PALLD: variants seen among roughly 807,000 people sequenced by gnomAD.
PALLD encodes the protein palladin, cytoskeletal associated protein.
In PALLD, 61 loss-of-function variants were observed where a neutral mutation model predicts 123.5. The ratio of observed to expected loss-of-function variants is 0.49; its 90% CI spans 0.40 to 0.61. The LOEUF is 0.61. Ranked by LOEUF, PALLD falls within the 20% of genes least tolerant of loss-of-function variation. The probability of loss-of-function intolerance (pLI) is 0.00; values close to 1 mark genes in which losing one functional copy is unlikely to be tolerated. For missense variants in PALLD, 1,273 were observed against 1,377.0 expected (o/e 0.92, Z 1.20); for synonymous variants, 465 against 496.4 (o/e 0.94, Z 0.84).
Position 168,685,519 on chromosome 4 carries a change from A to C in PALLD, c.1295A>C (p.Asp432Ala), listed in dbSNP as rs765965174. Residue 432 changes from aspartate (D) to alanine (A), a missense_variant, in exon 6 of 22, where the codon GAT becomes GCT. Asp to Ala is a moderately radical substitution (Grantham distance 126). This residue lies in a region of PALLD where 944 missense variants were observed against 954.5 expected (regional missense o/e 0.99). Coordinates refer to ENST00000505667, the MANE Select transcript of PALLD (RefSeq NM_001166108.2). Reference protein sequence around the residue: ...HSPTSYLCRPDGTTTAYFPPV... With the variant: ...HSPTSYLCRPAGTTTAYFPPV... ...CCAACTTCATATCTCTGCCGACCTG[A>C]TGGAACCACTACTGCCTACTTTCCT... The C allele has an allele frequency of 1.9e-6, 3 of 1,612,842 alleles. No individual in the cohort carries two copies. The highest frequency in any genetic ancestry group is 2.7e-5 in the African/African-American group (2 of 75,004).
chr4:168,709,929 A>G (rs1026298765), intron 9 of PALLD, among the ~76,000 whole-genome samples: 4 of 152,130 alleles, frequency 2.6e-5, no homozygotes. Context: ...TCACATTGGA[A>G]AGCCACCTCT....
chr4:168,876,805 C>T (rs1056134709), intron 10 of PALLD, among the ~76,000 whole-genome samples: 1 of 152,126 alleles, frequency 6.6e-6, no homozygotes, highest in Admixed American at 6.5e-5. Context: ...GTTACAGTGC[C>T]GCCTTCTGTT....
intron 2 of PALLD, among the ~76,000 whole-genome samples, chr4:168,629,454 G>A (rs1371249701): frequency 6.6e-6 from 1 of 152,192 alleles, no homozygotes; most frequent in Non-Finnish European, 1.5e-5. Context: ...GGGAAGAGTG[G>A]TAGAAAGGAG....
chr4:168,697,302 A>G (rs1783223048), intron 8 of PALLD, among the ~76,000 whole-genome samples: 1 of 152,252 alleles, frequency 6.6e-6, no homozygotes, highest in African/African-American at 2.4e-5. Context: ...CACCACAGCA[A>G]GAGAATTAAT....
At chr4:168,553,367 A>G (rs1056502039) in intron 2 of PALLD, among the ~76,000 whole-genome samples, 1 of 152,222 alleles carries the variant, frequency 6.6e-6, no homozygotes, top group African/African-American at 2.4e-5. Flanking sequence ...AACAGAGTCT[A>G]AGTCCAAGAT....
In PALLD at chr4:168,925,072, G is replaced by A. The variant is rs781065277; in HGVS notation, c.3352G>A (p.Val1118Ile). 7.0e-5 allele frequency: 113 copies of A among 1,613,886 alleles called. No homozygotes were observed. The highest frequency in any genetic ancestry group is 9.3e-5 in the Non-Finnish European group (110 of 1,179,932). ...TGTGTCCTGTACTGCCAGGCTGGAC[G>A]TTTACAGTGAGTGCCACTTCATCTC... ...GIVSCTARLD[V>I]YISRH The change falls in exon 20 of 22, where the codon GTT becomes ATT. Residue 1118 changes from valine (V) to isoleucine (I), a missense_variant. Val to Ile is a conservative substitution (Grantham distance 29). This residue lies in a region of PALLD where 329 missense variants were observed against 422.5 expected (regional missense o/e 0.78). Coordinates refer to ENST00000505667, the MANE Select transcript of PALLD (RefSeq NM_001166108.2).
intron 10 of PALLD, among the ~76,000 whole-genome samples, chr4:168,822,452 G>A (rs1742862149): frequency 6.6e-6 from 1 of 152,158 alleles, no homozygotes. Flanking sequence ...GTGTAAAGGA[G>A]AGACTGGGTG....
At chr4:168,587,035 A>G (rs140876703) in intron 2 of PALLD, among the ~76,000 whole-genome samples, 154 of 152,300 alleles carry the variant, frequency 1.0e-3, no homozygotes, top group African/African-American at 3.4e-3. Flanking sequence ...GGTTGTCACC[A>G]CTGGGAGAGG....
intron 10 of PALLD, among the ~76,000 whole-genome samples, chr4:168,807,023 G>A (rs373338769): frequency 2.0e-5 from 3 of 152,104 alleles, no homozygotes; most frequent in South Asian, 4.1e-4. Flanking sequence ...CCCGAGATGC[G>A]GACTCCACGG....
chr4:168,622,018 C>T (rs1774811272), intron 2 of PALLD, among the ~76,000 whole-genome samples: 1 of 152,156 alleles, frequency 6.6e-6, no homozygotes, highest in African/African-American at 2.4e-5. Context: ...ACAGATGGTG[C>T]TGCTAACAAG....
intron 2 of PALLD, among the ~76,000 whole-genome samples, chr4:168,589,063 C>T (rs146477042): frequency 6.4e-4 from 97 of 152,314 alleles, no homozygotes; most frequent in African/African-American, 2.2e-3. Context: ...TAAAGTCAAG[C>T]GGGCTATTGT....
chr4:168,526,106 T>C (rs1764018645), intron 2 of PALLD, among the ~76,000 whole-genome samples: 1 of 152,238 alleles, frequency 6.6e-6, no homozygotes, highest in African/African-American at 2.4e-5. Flanking sequence ...GAGCAGCCCC[T>C]GCCTTCCAGC....
chr4:168,689,780 TAGTA>T (rs1782447009), intron 6 of PALLD, among the ~76,000 whole-genome samples: 1 of 152,062 alleles, frequency 6.6e-6, no homozygotes, highest in Admixed American at 6.6e-5. Flanking sequence ...GAAGTTTAAA[TAGTA>T]AGAAAGTTTA....
At chr4:168,797,809 C>T (rs1738728751) in intron 10 of PALLD, among the ~76,000 whole-genome samples, 1 of 151,974 alleles carries the variant, frequency 6.6e-6, no homozygotes, top group Non-Finnish European at 1.5e-5. Context: ...ATATTAGCTC[C>T]CTCTTCTACC....
chr4:168,560,347 G>A (rs1767743421), intron 2 of PALLD, among the ~76,000 whole-genome samples: 1 of 152,156 alleles, frequency 6.6e-6, no homozygotes, highest in Non-Finnish European at 1.5e-5. Flanking sequence ...TTCTTGTCCA[G>A]TAACACTGCA....
intron 10 of PALLD, among the ~76,000 whole-genome samples, chr4:168,855,742 A>G (rs1165615347): frequency 6.6e-6 from 1 of 152,250 alleles, no homozygotes; most frequent in African/African-American, 2.4e-5. Context: ...ACCGTCCTGA[A>G]TACTAATAGC....
At chr4:168,685,357 TGTATG>T (rs1781931582) in intron 5 of PALLD, 123 bp from the exon 6 acceptor site, 1 of 753,024 alleles carries the variant, frequency 1.3e-6, no homozygotes. Flanking sequence ...AGCAAAATGA[TGTATG>T]GTGGTACTTT....
intron 10 of PALLD, among the ~76,000 whole-genome samples, chr4:168,856,771 C>A (rs1748669628): frequency 6.6e-6 from 1 of 152,196 alleles, no homozygotes; most frequent in African/African-American, 2.4e-5. Context: ...ACTCCAGAGC[C>A]TACATGGCTA....
At chr4:168,595,319 A>G (rs186098978) in intron 2 of PALLD, among the ~76,000 whole-genome samples, 222 of 152,280 alleles carry the variant, frequency 1.5e-3, no homozygotes, top group Non-Finnish European at 2.1e-3. Flanking sequence ...GTGAAAGAAT[A>G]AATTAGACAC....
Sources: allele counts gnomAD v4.1 joint callset (sites outside exome capture counted in the v4.1 genomes callset), GRCh38; gene constraint gnomAD v4.1.1; regional missense constraint gnomAD v4.1.1; transcripts MANE v1.5; gene names NCBI Gene and HGNC (gene_info 2026-07-23, HGNC 2026-07-21).